Variants in AOPEP observed in about 807,000 individuals in gnomAD.
AOPEP encodes aminopeptidase O (putative).
Under a neutral mutation model 98.1 loss-of-function variants are expected in AOPEP, and 77 were observed. That is an observed-to-expected ratio of 0.78 (90% CI 0.65 to 0.95). The LOEUF (loss-of-function observed/expected upper bound fraction) is 0.95. Among genes scored for constraint, AOPEP ranks in the 40% least tolerant of loss-of-function variants. AOPEP has a pLI of 0.00. For synonymous variants in AOPEP, 346 were observed against 365.3 expected (o/e 0.95, Z 0.60); for missense variants, 1,024 against 1,024.7 (o/e 1.00, Z 0.01).
At chr9:94,743,167 AAAGAAGAAGAAG>A (rs138111726) in intron 1 of AOPEP, among the ~76,000 whole-genome samples, 59 of 142,852 alleles carry the variant, frequency 4.1e-4, no homozygotes, top group African/African-American at 1.5e-3. Context: ...TTGCAATATA[AAAGAAGAAGAAG>A]AAGAAGAAGA....
intron 13 of AOPEP, among the ~76,000 whole-genome samples, chr9:95,029,133 A>G (rs141633822): frequency 2.0e-5 from 3 of 152,256 alleles, no homozygotes; most frequent in Admixed American, 6.5e-5. Context: ...GTGGTCCTCT[A>G]TACTTGCTGC....
the AOPEP span, among the ~76,000 whole-genome samples, chr9:95,112,998 T>C: frequency 6.6e-6 from 1 of 152,190 alleles, no homozygotes; most frequent in Admixed American, 6.5e-5. Flanking sequence ...GCACAACATG[T>C]CTCAATCACA....
In AOPEP at chr9:94,916,714, A is replaced by T. The variant is rs185049050; in HGVS notation, c.1365-7272A>T. On this transcript the variant is annotated intron_variant, in intron 5 of 16. Transcript: ENST00000375315. ...CCTCTCAAAAAAAAAAAAAAATTAA[A>T]TAAATAAATAAATAAATAAATAAAG... Among the ~76,000 whole-genome samples the T allele has an allele frequency of 4.8e-3, 721 of 149,722 alleles. 5 individuals carry two copies. The highest frequency in any genetic ancestry group is 0.027 in the Middle Eastern group (8 of 292).
chr9:94,810,020 C>T (rs1456148218), intron 5 of AOPEP: 1 of 155,944 alleles, frequency 6.4e-6, no homozygotes, highest in Admixed American at 6.5e-5. Flanking sequence ...ACTGGTATCA[C>T]CCAGACAGCT....
intron 4 of AOPEP, among the ~76,000 whole-genome samples, chr9:94,797,457 C>T (rs1481271488): frequency 6.6e-6 from 1 of 151,816 alleles, no homozygotes; most frequent in Non-Finnish European, 1.5e-5. Flanking sequence ...TACAGAATCC[C>T]CTGACCTCTT....
chr9:94,959,216 T>A (rs915029827), intron 9 of AOPEP, among the ~76,000 whole-genome samples: 2 of 152,134 alleles, frequency 1.3e-5, no homozygotes, highest in African/African-American at 4.8e-5. Flanking sequence ...GCTAATTTTT[T>A]GTATTTTTAG....
In AOPEP at chr9:95,076,327, C is replaced by A. The variant is rs115003288; in HGVS notation, c.2233-4367C>A. ...AAGATGTACACACTGATCTGGACAC[C>A]CCACATCTAGGAAGTTGCACACAGA... On this transcript the variant is annotated intron_variant, in intron 14 of 16. Transcript: ENST00000375315. Among the ~76,000 whole-genome samples the A allele has an allele frequency of 4.0e-3, 605 of 152,220 alleles. 5 individuals are homozygous for A. The highest frequency in any genetic ancestry group is 0.013 in the African/African-American group (552 of 41,498).
chr9:94,766,128 G>C (rs889650020), intron 2 of AOPEP, among the ~76,000 whole-genome samples: 11 of 152,304 alleles, frequency 7.2e-5, no homozygotes, highest in African/African-American at 2.6e-4. Flanking sequence ...TAGATCTTTG[G>C]TATACGTAAG....
At chr9:95,047,842 G>A (rs1270860631) in intron 13 of AOPEP, among the ~76,000 whole-genome samples, 1 of 152,190 alleles carries the variant, frequency 6.6e-6, no homozygotes, top group Non-Finnish European at 1.5e-5. Context: ...AACCATTAAA[G>A]CTGTCCTTGC....
intron 5 of AOPEP, among the ~76,000 whole-genome samples, chr9:94,811,023 C>T (rs1012400233): frequency 3.3e-5 from 5 of 152,162 alleles, no homozygotes; most frequent in Admixed American, 2.0e-4. Flanking sequence ...GCTAACCTGC[C>T]CCCTACCCCT....
chr9:94,898,353 T>C (rs1039360253), intron 5 of AOPEP, among the ~76,000 whole-genome samples: 2 of 151,800 alleles, frequency 1.3e-5, no homozygotes, highest in Admixed American at 1.3e-4. Flanking sequence ...GCGTGGTGGC[T>C]CATGTCTGTA....
chr9:94,894,610 A>G (rs1038037694), intron 5 of AOPEP, among the ~76,000 whole-genome samples: 7 of 152,244 alleles, frequency 4.6e-5, no homozygotes, highest in Admixed American at 4.6e-4. Flanking sequence ...TTTCTTTCAT[A>G]AGTGAATTTG....
intron 16 of AOPEP, chr9:95,085,592 G>A: frequency 4.6e-6 from 2 of 430,594 alleles, no homozygotes; most frequent in Non-Finnish European, 9.4e-6. Context: ...GTTGCTGACG[G>A]GCCGGCCGCT....
At chr9:95,006,400 A>G (rs2062024370) in intron 13 of AOPEP, among the ~76,000 whole-genome samples, 1 of 152,230 alleles carries the variant, frequency 6.6e-6, no homozygotes, top group Admixed American at 6.5e-5. Flanking sequence ...AGAATGTATG[A>G]TGAATCACTC....
intron 5 of AOPEP, among the ~76,000 whole-genome samples, chr9:94,816,646 T>A (rs1283356486): frequency 6.6e-6 from 1 of 152,056 alleles, no homozygotes; most frequent in African/African-American, 2.4e-5. Context: ...AACGGGAGAC[T>A]AAGGGCTGGA....
the AOPEP span, among the ~76,000 whole-genome samples, chr9:95,120,353 G>C: frequency 6.6e-6 from 1 of 151,846 alleles, no homozygotes; most frequent in African/African-American, 2.4e-5. Flanking sequence ...ACTCAATTCT[G>C]ATCTATCTAT....
chr9:95,041,611 A>G (rs929089557), intron 13 of AOPEP, among the ~76,000 whole-genome samples: 1 of 152,174 alleles, frequency 6.6e-6, no homozygotes, highest in African/African-American at 2.4e-5. Context: ...ATCACTAAAC[A>G]GGGATGGCTT....
intron 5 of AOPEP, among the ~76,000 whole-genome samples, chr9:94,823,334 G>A (rs1229433113): frequency 2.0e-5 from 3 of 152,130 alleles, no homozygotes; most frequent in African/African-American, 2.4e-5. Flanking sequence ...CAGTTGACTC[G>A]CTTTCTATTT....
chr9:95,087,518 A>AAGAAAAAG (rs986425017), downstream of AOPEP, among the ~76,000 whole-genome samples: 1 of 131,616 alleles, frequency 7.6e-6, no homozygotes, highest in African/African-American at 2.8e-5. Context: ...AAGCACGTAC[A>AAGAAAAAG]AGAAAAAGGT....
Sources: allele counts gnomAD v4.1 joint callset (sites outside exome capture counted in the v4.1 genomes callset), GRCh38; gene constraint gnomAD v4.1.1; transcripts MANE v1.5; gene names NCBI Gene and HGNC (gene_info 2026-07-23, HGNC 2026-07-21).